CHRM3: variants seen among roughly 807,000 people sequenced by gnomAD.
The protein encoded by CHRM3 is muscarinic acetylcholine receptor M3.
In CHRM3, 11 loss-of-function variants were observed where a neutral mutation model predicts 41.8. The observed-to-expected ratio is 0.26, with a 90% CI of 0.17 to 0.44. CHRM3 has a LOEUF of 0.44. Among genes scored for constraint, CHRM3 ranks in the 20% least tolerant of loss-of-function variants. The probability of loss-of-function intolerance (pLI) is 1.00; values close to 1 mark genes in which losing one functional copy is unlikely to be tolerated. For missense variants in CHRM3, 571 were observed against 745.4 expected (o/e 0.77, Z 2.72); for synonymous variants, 297 against 301.4 (o/e 0.99, Z 0.15).
At chr1:239,807,883 G>C (rs1438824724) in intron 5 of CHRM3, among the ~76,000 whole-genome samples, 2 of 151,870 alleles carry the variant, frequency 1.3e-5, no homozygotes, top group Non-Finnish European at 2.9e-5. Flanking sequence ...AAAATGCTGG[G>C]ATATTCCAGA....
rs547499467 is a variant in CHRM3, at chr1:239,731,165, A to G, written c.-147+52877A>G. Among the ~76,000 whole-genome samples, 4 of 151,994 alleles carry G rather than the reference A, an allele frequency of 2.6e-5. No individual in the cohort carries two copies. In the East Asian group the frequency reaches 5.8e-4, roughly 22 times the overall value. On this transcript the variant is annotated intron_variant, in intron 5 of 6. Coordinates refer to ENST00000676153, the MANE Select transcript of CHRM3 (RefSeq NM_001375978.1). ...CATTTTGGAGCTTTAAAGGCTGTGGACTGTCACGTGCAGATAGCCAGTAGA... is the reference window on the plus strand; with the variant it reads ...CATTTTGGAGCTTTAAAGGCTGTGGGCTGTCACGTGCAGATAGCCAGTAGA...
In CHRM3 at chr1:239,404,421, A is replaced by G. The variant is rs867313861; in HGVS notation, c.-521+17194A>G. ...GAAAGAAAGAAAGAAAAAGAAAGAAAGAAAGAAAGAAAGAAAGAAAGAAAG... is the reference window on the plus strand; with the variant it reads ...GAAAGAAAGAAAGAAAAAGAAAGAAGGAAAGAAAGAAAGAAAGAAAGAAAG... On this transcript the variant is annotated intron_variant, in intron 1 of 6. Coordinates refer to ENST00000676153, the MANE Select transcript of CHRM3 (RefSeq NM_001375978.1). 3.0e-3 allele frequency among the ~76,000 whole-genome samples: 281 copies of G among 94,636 alleles called. 4 individuals carry two copies. Among genetic ancestry groups the G allele is most frequent in the African/African-American group, 0.012 (270 of 22,438 alleles). 62.1% of individuals were successfully genotyped at this position (94,636 alleles called of 152,430 possible).
chr1:239,634,881 T>C (rs954695124), intron 4 of CHRM3, among the ~76,000 whole-genome samples: 1 of 152,144 alleles, frequency 6.6e-6, no homozygotes, highest in Non-Finnish European at 1.5e-5. Context: ...TAAAAAGCCA[T>C]TTCACCTCTC....
At chr1:239,490,078 C>A (rs1243545281) in intron 1 of CHRM3, among the ~76,000 whole-genome samples, 2 of 152,142 alleles carry the variant, frequency 1.3e-5, no homozygotes, top group African/African-American at 2.4e-5. Flanking sequence ...AGTTTGGAGG[C>A]TTAAGGACAT....
intron 6 of CHRM3, among the ~76,000 whole-genome samples, chr1:239,860,857 T>A (rs1453358034): frequency 6.6e-6 from 1 of 152,220 alleles, no homozygotes; most frequent in Non-Finnish European, 1.5e-5. Context: ...AGTAGTTTAG[T>A]TCATCAAAAA....
rs1405151471 is a variant in CHRM3, at chr1:239,914,572, A to G, written c.*5348A>G. On this transcript the variant is annotated 3_prime_UTR_variant, in exon 7 of 7. Transcript: ENST00000676153. The stretch of plus-strand genomic sequence containing the variant: ...AAAAAGAAAATTAACTCTGTTTTTT[A>G]TCCCTAGAACTCAGAAACTTTACTG... 1 of 167,098 alleles carries G rather than the reference A, an allele frequency of 6.0e-6. No homozygotes were observed. The highest frequency in any genetic ancestry group is 2.4e-5 in the African/African-American group (1 of 41,456). The allele number at this position is 167,098 out of a possible 1,614,324, so 10.4% of individuals were successfully genotyped here.
At chr1:239,863,727 G>T (rs1046283209) in intron 6 of CHRM3, among the ~76,000 whole-genome samples, 16 of 150,724 alleles carry the variant, frequency 1.1e-4, no homozygotes, top group African/African-American at 4.0e-4. Flanking sequence ...GGAAGAGAAA[G>T]AAACAAAGAA....
At chr1:239,791,099 A>C (rs1309792190) in intron 5 of CHRM3, among the ~76,000 whole-genome samples, 1 of 148,172 alleles carries the variant, frequency 6.7e-6, no homozygotes, top group Admixed American at 6.7e-5. Context: ...GCTTTTCTTT[A>C]TTTTTGTTTA....
chr1:239,719,950 C>T (rs1662770414), intron 5 of CHRM3, among the ~76,000 whole-genome samples: 1 of 151,948 alleles, frequency 6.6e-6, no homozygotes, highest in Non-Finnish European at 1.5e-5. Flanking sequence ...GTGTGTTTGG[C>T]ACCTGGGATG....
intron 1 of CHRM3, among the ~76,000 whole-genome samples, chr1:239,471,858 C>A (rs975785730): frequency 6.6e-6 from 1 of 152,188 alleles, no homozygotes; most frequent in African/African-American, 2.4e-5. Context: ...AAGCAGCTTC[C>A]CTGTGCGGCC....
chr1:239,446,222 A>G (rs1017308749), intron 1 of CHRM3, among the ~76,000 whole-genome samples: 5 of 152,210 alleles, frequency 3.3e-5, no homozygotes, highest in African/African-American at 7.2e-5. Flanking sequence ...GGCGTGAGCC[A>G]CCATGCCTGG....
chr1:239,754,802 A>C (rs965078434), intron 5 of CHRM3, among the ~76,000 whole-genome samples: 2 of 152,194 alleles, frequency 1.3e-5, no homozygotes, highest in Non-Finnish European at 2.9e-5. Context: ...GCAAGGAAGA[A>C]AAAATTTCAA....
intron 2 of CHRM3, among the ~76,000 whole-genome samples, chr1:239,498,645 A>G (rs767509683): frequency 1.3e-5 from 2 of 152,182 alleles, no homozygotes; most frequent in Non-Finnish European, 2.9e-5. Context: ...TAAATTGTTC[A>G]TCAGTGCTGT....
chr1:239,505,678 G>A (rs1343790460), intron 2 of CHRM3, among the ~76,000 whole-genome samples: 1 of 152,120 alleles, frequency 6.6e-6, no homozygotes, highest in East Asian at 1.9e-4. Context: ...AGTAGAGTGG[G>A]GCACTGTTGT....
At position 239,564,098 on chromosome 1, in the gene CHRM3, A is replaced by G. The variant is rs146475172; in HGVS notation, c.-313+18349A>G. ...TTGGTTACTTAGAAGTTTTGGTAGAATGAAGAATTTTGAATAAAGATAAGA... is the reference window on the plus strand; with the variant it reads ...TTGGTTACTTAGAAGTTTTGGTAGAGTGAAGAATTTTGAATAAAGATAAGA... On this transcript the variant is annotated intron_variant, in intron 3 of 6. Coordinates refer to ENST00000676153, the MANE Select transcript of CHRM3 (RefSeq NM_001375978.1). Among the ~76,000 whole-genome samples the G allele has an allele frequency of 2.6e-5, 4 of 152,322 alleles. No individual in the cohort carries two copies. In the East Asian group the frequency reaches 7.7e-4, roughly 29 times the overall value.
At chr1:239,521,527 A>T (rs1459572496) in intron 2 of CHRM3, among the ~76,000 whole-genome samples, 1 of 152,224 alleles carries the variant, frequency 6.6e-6, no homozygotes, top group Admixed American at 6.5e-5. Context: ...GAATATAAAT[A>T]TGCAATTTTT....
chr1:239,818,674 C>G (rs1671792345), intron 5 of CHRM3, among the ~76,000 whole-genome samples: 1 of 152,176 alleles, frequency 6.6e-6, no homozygotes, highest in Non-Finnish European at 1.5e-5. Context: ...ATTTCAAGAT[C>G]TAATTGGCTT....
intron 5 of CHRM3, among the ~76,000 whole-genome samples, chr1:239,739,217 C>G (rs1026984951): frequency 6.6e-6 from 1 of 152,074 alleles, no homozygotes; most frequent in African/African-American, 2.4e-5. Flanking sequence ...AATGCATTGC[C>G]CAGTTCTGTT....
intron 5 of CHRM3, among the ~76,000 whole-genome samples, chr1:239,689,567 A>T (rs1659509235): frequency 1.3e-5 from 2 of 152,208 alleles, no homozygotes; most frequent in African/African-American, 4.8e-5. Context: ...TATTCAACTT[A>T]TGTTGGAGGA....
Sources: allele counts gnomAD v4.1 joint callset (sites outside exome capture counted in the v4.1 genomes callset), GRCh38; gene constraint gnomAD v4.1.1; transcripts MANE v1.5; gene names NCBI Gene and HGNC (gene_info 2026-07-23, HGNC 2026-07-21).